Variants in LRRC53 observed in about 807,000 individuals in gnomAD.
LRRC53 encodes the protein leucine-rich repeat-containing protein 53.
A neutral mutation model predicts 13.6 loss-of-function variants in LRRC53; 25 were observed. That is an observed-to-expected ratio of 1.83 (90% CI 1.34 to 2.56). The LOEUF (loss-of-function observed/expected upper bound fraction) is 2.56. LRRC53 is among the 30% of genes most tolerant of loss of function. LRRC53 has a pLI of 0.00. For synonymous variants in LRRC53, 204 were observed against 109.8 expected, an observed-to-expected ratio of 1.86 and a Z score of -5.37; for missense variants, 527 against 275.8, an observed-to-expected ratio of 1.91 and a Z score of -6.45.
chr1:74,532,190 A>G, the LRRC53 span, among the ~76,000 whole-genome samples: 142,841 of 152,218 alleles, frequency 0.94, 67,146 homozygotes, highest in Middle Eastern at 0.97. Flanking sequence ...AGTTTAGTGC[A>G]TGTGTATCTC....
upstream of LRRC53, among the ~76,000 whole-genome samples, chr1:74,515,526 G>T (rs1646337255): frequency 6.6e-6 from 1 of 152,172 alleles, no homozygotes; most frequent in African/African-American, 2.4e-5. Context: ...GATGGTTGCT[G>T]TTGGCAACCA....
intron 2 of LRRC53, among the ~76,000 whole-genome samples, chr1:74,482,635 T>C (rs962342216): frequency 6.6e-6 from 1 of 152,182 alleles, no homozygotes; most frequent in African/African-American, 2.4e-5. Flanking sequence ...AAATTTTCCA[T>C]TGGCAGAGCT....
intron 1 of LRRC53, among the ~76,000 whole-genome samples, chr1:74,502,493 G>A (rs985059821): frequency 5.3e-5 from 8 of 152,204 alleles, no homozygotes; most frequent in African/African-American, 1.9e-4. Flanking sequence ...CTGTCCGGTA[G>A]TGTTTTCATT....
chr1:74,484,290 T>C (rs906115119), intron 1 of LRRC53, among the ~76,000 whole-genome samples: 2 of 151,414 alleles, frequency 1.3e-5, no homozygotes, highest in African/African-American at 4.8e-5. Context: ...CAAAATAAAA[T>C]GTAGAAAAAA....
the LRRC53 span, among the ~76,000 whole-genome samples, chr1:74,526,997 AT>A: frequency 6.6e-6 from 1 of 152,188 alleles, no homozygotes; most frequent in African/African-American, 2.4e-5. Context: ...AGCCTAAAAT[AT>A]TTACTGTCTG....
chr1:74,520,756 G>A, the LRRC53 span, among the ~76,000 whole-genome samples: 220 of 152,248 alleles, frequency 1.4e-3, 8 homozygotes, highest in South Asian at 0.045. Flanking sequence ...CTATGTGGCG[G>A]TGATAAAGAA....
In LRRC53 at chr1:74,471,462, A is replaced by G; in HGVS notation, c.2160T>C (p.Asn720=). The G allele has an allele frequency of 2.5e-6, 1 of 400,668 alleles. No homozygotes were observed. The allele number at this position is 400,668 out of a possible 1,614,324, so 24.8% of individuals were successfully genotyped here. The change falls in exon 5 of 5, where the codon AAT becomes AAC. Residue 720 remains asparagine (N), a synonymous_variant. Transcript: ENST00000294635. ...CTCTGACTTTTCTAAAAGGATGTAAATTTAATTTTAAGTTTTGTCCTTTAA... is the reference window on the plus strand; with the variant it reads ...CTCTGACTTTTCTAAAAGGATGTAAGTTTAATTTTAAGTTTTGTCCTTTAA... The part of the protein sequence containing the change: ...GKIKGQNLKL[N]LHPFRKVRVH...
intron 1 of LRRC53, among the ~76,000 whole-genome samples, chr1:74,502,858 C>T (rs1460075947): frequency 1.3e-5 from 2 of 152,034 alleles, no homozygotes; most frequent in Non-Finnish European, 2.9e-5. Context: ...CCCTCTGTAT[C>T]TTCTTCAAAA....
At chr1:74,485,465 C>G (rs1180863697) in intron 1 of LRRC53, among the ~76,000 whole-genome samples, 1 of 152,196 alleles carries the variant, frequency 6.6e-6, no homozygotes, top group African/African-American at 2.4e-5. Flanking sequence ...AGGATCTCCT[C>G]TCATTCTCTA....
intron 1 of LRRC53, among the ~76,000 whole-genome samples, chr1:74,498,229 T>C (rs764522230): frequency 2.6e-5 from 4 of 152,156 alleles, no homozygotes; most frequent in Non-Finnish European, 5.9e-5. Flanking sequence ...CACTGTATCT[T>C]AACAGTTTTT....
At chr1:74,517,860 A>G in the LRRC53 span, among the ~76,000 whole-genome samples, 1 of 152,294 alleles carries the variant, frequency 6.6e-6, no homozygotes, top group African/African-American at 2.4e-5. Flanking sequence ...TTTCTGATTC[A>G]GCAGGTCTGA....
intron 1 of LRRC53, among the ~76,000 whole-genome samples, chr1:74,491,105 AGAGAGAGATTTGAGT>A (rs1669050562): frequency 6.6e-6 from 1 of 152,228 alleles, no homozygotes; most frequent in South Asian, 2.1e-4. Flanking sequence ...ACATTTTAGA[AGAGAGAGATTTGAGT>A]GGTGAATAAG....
In LRRC53 at chr1:74,475,696, A is replaced by G. The variant is rs1251112006; in HGVS notation, c.1019T>C (p.Leu340Pro). The G allele has an allele frequency of 9.9e-6, 7 of 709,150 alleles. No homozygotes were observed. The highest frequency in any genetic ancestry group is 1.8e-5 in the African/African-American group (1 of 56,650). The allele number at this position is 709,150 out of a possible 1,614,324, so 43.9% of individuals were successfully genotyped here. ...GTAATTTCTTGCCTCATGAGCACAC[A>G]GGGGTTCATCGAAGGTTCTGCAACA... ...NLCCRTFDEP[L>P]CAHEARNYHT... Residue 340 changes from leucine (L) to proline (P), a missense_variant, in exon 4 of 5, where the codon CTG becomes CCG. Leu to Pro is a moderately conservative substitution (Grantham distance 98). Transcript: ENST00000294635.
At chr1:74,476,728 C>T (rs1036754031) in intron 3 of LRRC53, among the ~76,000 whole-genome samples, 2 of 152,136 alleles carry the variant, frequency 1.3e-5, no homozygotes, top group Admixed American at 1.3e-4. Context: ...CCACATCTGC[C>T]TGAGGACAGT....
the LRRC53 span, among the ~76,000 whole-genome samples, chr1:74,530,874 TTAG>T: frequency 6.6e-6 from 1 of 152,158 alleles, no homozygotes; most frequent in Non-Finnish European, 1.5e-5. Context: ...CCTGCTTAAA[TTAG>T]TAGGTAAATT....
At chr1:74,495,651 G>T (rs1190785071) in intron 1 of LRRC53, among the ~76,000 whole-genome samples, 5 of 152,162 alleles carry the variant, frequency 3.3e-5, no homozygotes, top group African/African-American at 7.2e-5. Context: ...TGAGGAAACT[G>T]AGGCTCATAG....
At chr1:74,479,393 C>A (rs1668363869) in intron 3 of LRRC53, among the ~76,000 whole-genome samples, 1 of 152,166 alleles carries the variant, frequency 6.6e-6, no homozygotes, top group Non-Finnish European at 1.5e-5. Context: ...TAAAGAATTG[C>A]ATATTATCCT....
chr1:74,469,448 A>G lies in LRRC53; in HGVS notation c.*430T>C, dbSNP rs1176714089. ...ACAGATCAAACACAAATATGAATAT[A>G]TAATTATCCATGTAGAAAGCAATAT... On this transcript the variant is annotated 3_prime_UTR_variant, in exon 5 of 5. Coordinates refer to ENST00000294635, the MANE Select transcript of LRRC53 (RefSeq NM_001382280.1). 1 of 153,276 alleles carries G rather than the reference A, an allele frequency of 6.5e-6. No homozygotes were observed. Among genetic ancestry groups the G allele is most frequent in the Non-Finnish European group, 1.5e-5 (1 of 68,626 alleles). The allele number at this position is 153,276 out of a possible 1,614,324, so 9.5% of individuals were successfully genotyped here.
At chr1:74,508,990 C>T (rs565229633) in intron 1 of LRRC53, among the ~76,000 whole-genome samples, 1 of 152,308 alleles carries the variant, frequency 6.6e-6, no homozygotes, top group East Asian at 1.9e-4. Context: ...GTCCCTATTT[C>T]ACAGTTCTAC....
Sources: allele counts gnomAD v4.1 joint callset (sites outside exome capture counted in the v4.1 genomes callset), GRCh38; gene constraint gnomAD v4.1.1; transcripts MANE v1.5; gene names NCBI Gene and HGNC (gene_info 2026-07-23, HGNC 2026-07-21).